LMTK2: variants seen among roughly 807,000 people sequenced by gnomAD.
LMTK2 encodes lemur tail kinase 2.
In LMTK2, 37 loss-of-function variants were observed where a neutral mutation model predicts 127.5. The ratio of observed to expected loss-of-function variants is 0.29; its 90% CI spans 0.22 to 0.38. LMTK2 has a LOEUF of 0.38. LMTK2 is among the 10% of genes least tolerant of loss of function. LMTK2 has a pLI of 1.00. For synonymous variants in LMTK2, 819 were observed against 810.1 expected, an observed-to-expected ratio of 1.01 and a Z score of -0.19; for missense variants, 1,694 against 1,920.3, an observed-to-expected ratio of 0.88 and a Z score of 2.20.
chr7:98,205,230 ACTT>A (rs1416970436), intron 13 of LMTK2, among the ~76,000 whole-genome samples: 2 of 152,068 alleles, frequency 1.3e-5, no homozygotes, highest in South Asian at 2.1e-4. Context: ...ATCCCAGCTG[ACTT>A]CTTCTGCACC....
chr7:98,151,118 G>A (rs147944049), intron 3 of LMTK2, among the ~76,000 whole-genome samples: 1 of 152,258 alleles, frequency 6.6e-6, no homozygotes, highest in African/African-American at 2.4e-5. Context: ...CCATTGGCCT[G>A]GTGATTGGTG....
At chr7:98,185,453 TATG>T (rs1219221072) in intron 8 of LMTK2, among the ~76,000 whole-genome samples, 6 of 152,248 alleles carry the variant, frequency 3.9e-5, no homozygotes, top group Admixed American at 1.3e-4. Context: ...TATTACCTGT[TATG>T]ATAAAATATA....
chr7:98,177,267 G>A (rs1044918651), intron 7 of LMTK2, among the ~76,000 whole-genome samples: 4 of 152,206 alleles, frequency 2.6e-5, no homozygotes, highest in African/African-American at 9.6e-5. Context: ...AGTAGTGAAG[G>A]TGGATAAAAA....
intron 1 of LMTK2, among the ~76,000 whole-genome samples, chr7:98,122,786 T>G (rs913691159): frequency 1.3e-5 from 2 of 151,444 alleles, no homozygotes; most frequent in African/African-American, 2.4e-5. Flanking sequence ...CCCAAAGTGC[T>G]GGGCTTACAG....
In LMTK2 at chr7:98,192,506, A is replaced by G. The variant is rs1269925302; in HGVS notation, c.2041A>G (p.Ile681Val). Residue 681 changes from isoleucine to valine, a missense_variant, in exon 11 of 14, where the codon ATA (isoleucine) becomes GTA (valine). This residue lies in a region of LMTK2 where 527 missense variants were observed against 539.8 expected (regional missense o/e 0.98). Coordinates refer to ENST00000297293, the MANE Select transcript of LMTK2 (RefSeq NM_014916.4). ...TTTGGATAACCCCAAAGAGTCAGTC[A>G]TAACAGGCCACTTTGAGAAAGAAAA... ...SSLDNPKESV[I>V]TGHFEKEKPR... 12 of 1,610,496 alleles carry G rather than the reference A, an allele frequency of 7.5e-6. No homozygotes were observed. The highest frequency in any genetic ancestry group is 1.0e-5 in the Non-Finnish European group (12 of 1,179,212).
intron 1 of LMTK2, among the ~76,000 whole-genome samples, chr7:98,133,300 CCTTT>C (rs1796551443): frequency 6.6e-6 from 1 of 152,058 alleles, no homozygotes; most frequent in Admixed American, 6.6e-5. Flanking sequence ...GTTAAAGCTG[CCTTT>C]CTTTATCAGG....
In LMTK2 at chr7:98,194,004, C is replaced by T. The variant is rs140934676; in HGVS notation, c.3539C>T (p.Pro1180Leu). 3.2e-5 allele frequency: 52 copies of T among 1,614,012 alleles called. No homozygotes were observed. In the African/African-American group the frequency reaches 4.9e-4, roughly 15 times the overall value. ...NSSDLELRAT[P>L]EPAQTGVPQQ... Reference sequence around the variant, plus strand: ...AGTGACCTGGAATTAAGAGCCACGCCGGAGCCAGCACAGACTGGTGTTCCC... The same window carrying T: ...AGTGACCTGGAATTAAGAGCCACGCTGGAGCCAGCACAGACTGGTGTTCCC... The change falls in exon 11 of 14, where the codon CCG becomes CTG. Residue 1180 changes from proline to leucine, a missense_variant. By Grantham distance (98) the Pro-to-Leu change is moderately conservative. Transcript: ENST00000297293. The surrounding 1 kb of genome is among the most constrained non-coding windows in gnomAD (Gnocchi z 5.4).
intron 6 of LMTK2, among the ~76,000 whole-genome samples, chr7:98,167,854 G>T (rs929724215): frequency 6.6e-6 from 1 of 152,134 alleles, no homozygotes; most frequent in African/African-American, 2.4e-5. Context: ...GAGAGCCAGT[G>T]GGGGGGCCGA....
At position 98,191,958 on chromosome 7, in the gene LMTK2, T is replaced by C. The variant is rs1797532465; in HGVS notation, c.1493T>C (p.Leu498Ser). Residue 498 changes from leucine to serine, a missense_variant, in exon 11 of 14, where the codon TTG (leucine) becomes TCG (serine). Transcript: ENST00000297293. ...ERSRGHLDEG[L>S]SYTSIFYPVE... ...AGCCGGGGCCACCTGGACGAAGGCTTGTCCTACACGAGCATCTTCTATCCG... is the reference window on the plus strand; with the variant it reads ...AGCCGGGGCCACCTGGACGAAGGCTCGTCCTACACGAGCATCTTCTATCCG... The C allele has an allele frequency of 1.2e-6, 2 of 1,614,016 alleles. No individual in the cohort carries two copies. Among genetic ancestry groups the C allele is most frequent in the Non-Finnish European group, 1.7e-6 (2 of 1,180,020 alleles).
At chr7:98,170,508 A>G (rs1246680455) in intron 6 of LMTK2, among the ~76,000 whole-genome samples, 1 of 151,574 alleles carries the variant, frequency 6.6e-6, no homozygotes, top group Admixed American at 6.6e-5. Flanking sequence ...TTAGTTGGTC[A>G]AGGAAAATGC....
At chr7:98,199,942 A>G (rs1478600546) in intron 11 of LMTK2, among the ~76,000 whole-genome samples, 2 of 152,124 alleles carry the variant, frequency 1.3e-5, no homozygotes, top group Non-Finnish European at 2.9e-5. Flanking sequence ...TCTGCCTTTT[A>G]ATGGTATGTT....
chr7:98,136,991 T>A (rs1243721010), intron 1 of LMTK2, among the ~76,000 whole-genome samples: 1 of 152,224 alleles, frequency 6.6e-6, no homozygotes, highest in Admixed American at 6.5e-5. Context: ...GAATAAAGCC[T>A]GAAGTTCACT....
chr7:98,150,150 AT>A (rs983299696), intron 3 of LMTK2, among the ~76,000 whole-genome samples: 5 of 152,102 alleles, frequency 3.3e-5, no homozygotes, highest in African/African-American at 1.2e-4. Context: ...TCTACTAAAA[AT>A]ACAAAAAGTA....
At chr7:98,136,383 A>G (rs1009559168) in intron 1 of LMTK2, among the ~76,000 whole-genome samples, 1 of 152,238 alleles carries the variant, frequency 6.6e-6, no homozygotes, top group Non-Finnish European at 1.5e-5. Context: ...GCTGTAGGCA[A>G]GATGCCCTGA....
intron 1 of LMTK2, among the ~76,000 whole-genome samples, chr7:98,107,901 A>G (rs190380809): frequency 2.0e-5 from 3 of 152,190 alleles, no homozygotes; most frequent in Non-Finnish European, 4.4e-5. Context: ...GGAAGTTTCT[A>G]TTTTAGCTAA....
chr7:98,141,625 A>G (rs1028977957), intron 3 of LMTK2, 84 bp downstream of exon 3: 6 of 1,279,486 alleles, frequency 4.7e-6, no homozygotes, highest in African/African-American at 1.5e-5. Context: ...TAAATATTGG[A>G]CTGCCCATCT....
chr7:98,128,507 C>T (rs1796475533), intron 1 of LMTK2, among the ~76,000 whole-genome samples: 1 of 152,224 alleles, frequency 6.6e-6, no homozygotes, highest in Non-Finnish European at 1.5e-5. Flanking sequence ...GTTGAAACCC[C>T]CAGCCTGTAG....
intron 7 of LMTK2, among the ~76,000 whole-genome samples, chr7:98,175,085 G>C (rs1797256144): frequency 6.6e-6 from 1 of 152,162 alleles, no homozygotes; most frequent in African/African-American, 2.4e-5. Flanking sequence ...GGTGCTGAGC[G>C]GTTGGTCTGT....
intron 7 of LMTK2, among the ~76,000 whole-genome samples, chr7:98,176,992 A>G (rs1419984703): frequency 1.3e-5 from 2 of 152,176 alleles, no homozygotes; most frequent in African/African-American, 2.4e-5. Context: ...GGGTCGTGCA[A>G]CTGGAAGCCA....
Sources: gnomAD v4.1 joint callset for allele counts (sites outside exome capture counted in the v4.1 genomes callset) on GRCh38, gnomAD v4.1.1 for gene constraint, gnomAD v4.1.1 regional missense constraint, Gnocchi (gnomAD v3.1) non-coding constraint, MANE v1.5 for transcripts, NCBI Gene and HGNC (gene_info 2026-07-23, HGNC 2026-07-21) for gene names.